FSTL5: variants seen among roughly 807,000 people sequenced by gnomAD.
FSTL5 encodes follistatin like 5.
In FSTL5, 62 loss-of-function variants were observed where a neutral mutation model predicts 89.1. The observed-to-expected ratio is 0.70, with a 90% CI of 0.57 to 0.86. The LOEUF is 0.86. FSTL5 is among the 40% of genes least tolerant of loss of function. The pLI is 0.00. For missense variants in FSTL5, 1,057 were observed against 1,001.6 expected, an observed-to-expected ratio of 1.06 and a Z score of -0.75; for synonymous variants, 383 against 346.2, an observed-to-expected ratio of 1.11 and a Z score of -1.18.
At chr4:161,845,992 G>A (rs1295474530) in intron 4 of FSTL5, among the ~76,000 whole-genome samples, 1 of 151,466 alleles carries the variant, frequency 6.6e-6, no homozygotes, top group African/African-American at 2.4e-5. Flanking sequence ...GTTGCAGTGA[G>A]CTGAGATGAT....
chr4:161,573,887 T>G (rs1051447503), intron 8 of FSTL5, among the ~76,000 whole-genome samples: 2 of 152,150 alleles, frequency 1.3e-5, no homozygotes, highest in African/African-American at 4.8e-5. Context: ...TCTCTTATAT[T>G]CTGGAGGCCA....
intron 11 of FSTL5, among the ~76,000 whole-genome samples, chr4:161,504,478 G>GTT (rs80255593): frequency 0.15 from 21,931 of 147,644 alleles, 2,031 homozygotes; most frequent in East Asian, 0.37. Context: ...TTTCGTTTTT[G>GTT]TTTTTTTTTT....
intron 2 of FSTL5, among the ~76,000 whole-genome samples, chr4:162,105,403 C>T (rs546163051): frequency 3.9e-5 from 6 of 152,240 alleles, no homozygotes; most frequent in African/African-American, 1.4e-4. Flanking sequence ...ACTAAGAAAG[C>T]ATTTTTGCTA....
chr4:161,860,150 T>C (rs537043785), intron 4 of FSTL5, among the ~76,000 whole-genome samples: 199 of 151,674 alleles, frequency 1.3e-3, no homozygotes, highest in African/African-American at 4.4e-3. Flanking sequence ...TAGCCGGGCG[T>C]GGTGGCGGGC....
intron 1 of FSTL5, among the ~76,000 whole-genome samples, chr4:162,150,639 G>A (rs114603554): frequency 0.01 from 1,581 of 152,166 alleles, 32 homozygotes; most frequent in African/African-American, 0.036. Flanking sequence ...AATCCAGAGT[G>A]CATTTTTACT....
chr4:161,932,683 T>C, intron 3 of FSTL5, among the ~76,000 whole-genome samples: 1 of 151,984 alleles, frequency 6.6e-6, no homozygotes, highest in East Asian at 1.9e-4. Flanking sequence ...GGCTTATTAT[T>C]TCATACTTTT....
chr4:161,942,340 T>C (rs1734611161), intron 3 of FSTL5, among the ~76,000 whole-genome samples: 1 of 151,776 alleles, frequency 6.6e-6, no homozygotes, highest in African/African-American at 2.4e-5. Flanking sequence ...CCCAAGTTGG[T>C]TCTTTGGAAA....
chr4:161,730,624 A>G (rs1160937910), intron 6 of FSTL5, among the ~76,000 whole-genome samples: 14 of 152,162 alleles, frequency 9.2e-5, no homozygotes, highest in Admixed American at 9.2e-4. Flanking sequence ...TCTATGTTCA[A>G]CTGTTGACTT....
chr4:162,030,987 T>C (rs1737498479), intron 3 of FSTL5, among the ~76,000 whole-genome samples: 1 of 152,190 alleles, frequency 6.6e-6, no homozygotes, highest in South Asian at 2.1e-4. Context: ...TTTAAGCACT[T>C]AATGTACAAT....
At chr4:162,071,742 G>T (rs1353217885) in intron 2 of FSTL5, among the ~76,000 whole-genome samples, 1 of 151,658 alleles carries the variant, frequency 6.6e-6, no homozygotes, top group East Asian at 1.9e-4. Context: ...CATATGTTAG[G>T]CCACAACAGA....
intron 15 of FSTL5, among the ~76,000 whole-genome samples, chr4:161,389,098 C>T (rs1730738691): frequency 6.6e-6 from 1 of 152,022 alleles, no homozygotes; most frequent in Admixed American, 6.6e-5. Context: ...GAAGTGGTGT[C>T]TCTAATTCAA....
intron 4 of FSTL5, among the ~76,000 whole-genome samples, chr4:161,853,403 G>T (rs543437750): frequency 6.6e-6 from 1 of 151,192 alleles, no homozygotes; most frequent in Non-Finnish European, 1.5e-5. Flanking sequence ...GAGTAGCTAG[G>T]ATTACAGGCA....
chr4:161,860,204 C>T (rs543782870), intron 4 of FSTL5, among the ~76,000 whole-genome samples: 30 of 152,148 alleles, frequency 2.0e-4, no homozygotes, highest in Non-Finnish European at 2.9e-4. Context: ...AGGAGAATGG[C>T]GTGAACCCGG....
intron 6 of FSTL5, among the ~76,000 whole-genome samples, chr4:161,747,255 T>C (rs780473929): frequency 1.2e-4 from 19 of 152,238 alleles, no homozygotes; most frequent in African/African-American, 4.3e-4. Context: ...GCACAGCTGA[T>C]AAATTTTAAG....
chr4:162,079,494 T>C (rs1050014627), intron 2 of FSTL5, among the ~76,000 whole-genome samples: 41 of 151,722 alleles, frequency 2.7e-4, no homozygotes, highest in Middle Eastern at 6.8e-3. Flanking sequence ...GACTTTTCTG[T>C]ATGTCTTATG....
At chr4:161,502,553 A>C (rs1730330239) in intron 11 of FSTL5, among the ~76,000 whole-genome samples, 1 of 151,944 alleles carries the variant, frequency 6.6e-6, no homozygotes, top group Admixed American at 6.6e-5. Context: ...TAATTAAAAT[A>C]GCGATTATAA....
intron 3 of FSTL5, among the ~76,000 whole-genome samples, chr4:161,943,791 G>A (rs1425718602): frequency 6.6e-6 from 1 of 151,778 alleles, no homozygotes; most frequent in East Asian, 1.9e-4. Flanking sequence ...TCCTGACCTC[G>A]TGATCTGCCC....
At position 161,710,685 on chromosome 4, in the gene FSTL5, A is replaced by G. The variant is rs561482670; in HGVS notation, c.727+48726T>C. 3.7e-3 allele frequency among the ~76,000 whole-genome samples: 560 copies of G among 152,222 alleles called. 6 individuals carry two copies. The highest frequency in any genetic ancestry group is 6.2e-3 in the Non-Finnish European group (424 of 68,010). On this transcript the variant is annotated intron_variant, in intron 6 of 15. Coordinates refer to ENST00000306100, the MANE Select transcript of FSTL5 (RefSeq NM_020116.5). ...ATTGTGCAAAAGAAAAAAATATCCCATTGTTCCTCTGCCTTTTATTGAGTC... is the reference window on the plus strand; with the variant it reads ...ATTGTGCAAAAGAAAAAAATATCCCGTTGTTCCTCTGCCTTTTATTGAGTC...
chr4:162,057,283 T>C (rs867433641), intron 2 of FSTL5, among the ~76,000 whole-genome samples: 7 of 152,164 alleles, frequency 4.6e-5, no homozygotes, highest in Non-Finnish European at 1.0e-4. Flanking sequence ...TAGGTTTCTC[T>C]CAAGAGCTCT....
Sources: allele counts gnomAD v4.1 joint callset (sites outside exome capture counted in the v4.1 genomes callset), GRCh38; gene constraint gnomAD v4.1.1; transcripts MANE v1.5; gene names NCBI Gene and HGNC (gene_info 2026-07-23, HGNC 2026-07-21).